The following UNC13C variants were observed in gnomAD, a reference collection of about 807,000 sequenced individuals.
UNC13C encodes the protein unc-13 homolog C, also known as protein unc-13 homolog C.
Under a neutral mutation model 245.4 loss-of-function variants are expected in UNC13C, and 174 were observed. That is an observed-to-expected ratio of 0.71 (90% CI 0.63 to 0.80). The LOEUF (loss-of-function observed/expected upper bound fraction) is 0.80, where lower values mean the gene tolerates loss of function less well. Ranked by LOEUF, UNC13C falls within the 30% of genes least tolerant of loss-of-function variation. The probability of loss-of-function intolerance (pLI) is 0.00; values close to 1 mark genes in which losing one functional copy is unlikely to be tolerated. For synonymous variants in UNC13C, 992 were observed against 895.1 expected (o/e 1.11, Z -1.93); for missense variants, 2,829 against 2,602.9 (o/e 1.09, Z -1.89).
chr15:54,260,995 A>C (rs569085407), intron 8 of UNC13C, among the ~76,000 whole-genome samples: 78 of 152,264 alleles, frequency 5.1e-4, no homozygotes, highest in Non-Finnish European at 9.3e-4. Context: ...GAAGAGAACC[A>C]GTTTGCCCCT....
At chr15:53,942,718 C>T in the UNC13C span, among the ~76,000 whole-genome samples, 2 of 152,130 alleles carry the variant, frequency 1.3e-5, no homozygotes, top group Non-Finnish European at 2.9e-5. Context: ...GGCTGGAGTG[C>T]AGTGGCGAGA....
At chr15:54,295,305 G>T (rs753291868) in intron 11 of UNC13C, among the ~76,000 whole-genome samples, 19 of 152,266 alleles carry the variant, frequency 1.2e-4, no homozygotes, top group African/African-American at 4.3e-4. Context: ...GGTCGAGGCA[G>T]TAAAGTTGTA....
chr15:54,255,195 A>C (rs1480030279), intron 8 of UNC13C, among the ~76,000 whole-genome samples: 2 of 152,082 alleles, frequency 1.3e-5, no homozygotes, highest in South Asian at 2.1e-4. Context: ...TAGTCAACTC[A>C]ATTAGACCCC....
intron 10 of UNC13C, among the ~76,000 whole-genome samples, chr15:54,278,588 C>G (rs968261932): frequency 6.6e-6 from 1 of 152,148 alleles, no homozygotes; most frequent in Admixed American, 6.5e-5. Context: ...TCTCCATCTC[C>G]CCGACACTGA....
At chr15:53,880,903 T>G in the UNC13C span, among the ~76,000 whole-genome samples, 1 of 152,068 alleles carries the variant, frequency 6.6e-6, no homozygotes, top group East Asian at 1.9e-4. Context: ...TAAGAGAAGG[T>G]TGTAAGTGAG....
At chr15:54,337,064 A>G (rs1863270011) in intron 16 of UNC13C, among the ~76,000 whole-genome samples, 1 of 152,202 alleles carries the variant, frequency 6.6e-6, no homozygotes, top group South Asian at 2.1e-4. Flanking sequence ...CCACACTGTA[A>G]TCAGACTTTT....
At chr15:53,905,620 T>C in the UNC13C span, among the ~76,000 whole-genome samples, 1 of 151,378 alleles carries the variant, frequency 6.6e-6, no homozygotes, top group Non-Finnish European at 1.5e-5. Context: ...AGACTGGGGG[T>C]TGGGGGAAGT....
intron 4 of UNC13C, among the ~76,000 whole-genome samples, chr15:54,160,115 C>CA (rs891996425): frequency 9.2e-5 from 14 of 151,538 alleles, no homozygotes; most frequent in Admixed American, 7.9e-4. Flanking sequence ...ATACTATTGA[C>CA]AAAAAAGGAC....
intron 2 of UNC13C, among the ~76,000 whole-genome samples, chr15:54,032,445 C>G (rs1896397948): frequency 6.6e-6 from 1 of 152,130 alleles, no homozygotes; most frequent in Non-Finnish European, 1.5e-5. Flanking sequence ...AGTGATTGCT[C>G]AGGTTTGAAA....
chr15:54,562,150 T>C (rs571753216), intron 29 of UNC13C, among the ~76,000 whole-genome samples: 1 of 152,018 alleles, frequency 6.6e-6, no homozygotes, highest in Non-Finnish European at 1.5e-5. Context: ...AATGCTGAGT[T>C]CTATTTGAGT....
the UNC13C span, among the ~76,000 whole-genome samples, chr15:53,875,550 A>T: frequency 1.3e-5 from 2 of 152,096 alleles, no homozygotes; most frequent in Non-Finnish European, 2.9e-5. Flanking sequence ...AAAACAAGTC[A>T]CTGGGGAGTA....
the UNC13C span, among the ~76,000 whole-genome samples, chr15:53,917,417 G>A: frequency 1.3e-5 from 2 of 152,170 alleles, no homozygotes; most frequent in East Asian, 3.9e-4. Flanking sequence ...AAAAAAGAAA[G>A]TTGAGTTCTC....
chr15:54,425,891 C>T (rs544457503), intron 19 of UNC13C, among the ~76,000 whole-genome samples: 2 of 151,942 alleles, frequency 1.3e-5, no homozygotes, highest in South Asian at 4.1e-4. Flanking sequence ...GGTAGACAGC[C>T]TTTCTTTCTG....
At chr15:54,063,342 G>A (rs1022502815) in intron 2 of UNC13C, among the ~76,000 whole-genome samples, 1 of 152,124 alleles carries the variant, frequency 6.6e-6, no homozygotes, top group African/African-American at 2.4e-5. Flanking sequence ...GTGGGGAAGG[G>A]GGCGATAGGC....
chr15:54,460,918 T>A (rs1891811009), intron 19 of UNC13C, among the ~76,000 whole-genome samples: 1 of 152,182 alleles, frequency 6.6e-6, no homozygotes, highest in Non-Finnish European at 1.5e-5. Context: ...TTGTAATAGT[T>A]ATAAATTAAA....
At chr15:54,456,614 A>ATTTT (rs1891546933) in intron 19 of UNC13C, among the ~76,000 whole-genome samples, 2 of 149,340 alleles carry the variant, frequency 1.3e-5, no homozygotes, top group Non-Finnish European at 3.0e-5. Flanking sequence ...TTATTTATTT[A>ATTTT]TTTATTTATT....
chr15:54,051,398 A>C (rs12902146), intron 2 of UNC13C, among the ~76,000 whole-genome samples: 5,652 of 152,114 alleles, frequency 0.037, 257 homozygotes, highest in Admixed American at 0.13. Context: ...TTGAGTTGAC[A>C]TTTATATAAT....
the UNC13C span, among the ~76,000 whole-genome samples, chr15:53,928,469 G>C: frequency 6.6e-6 from 1 of 152,136 alleles, no homozygotes; most frequent in African/African-American, 2.4e-5. Context: ...TCCAGCTTGG[G>C]CATTAGGGCC....
chr15:54,039,627 C>T (rs572070095), intron 2 of UNC13C, among the ~76,000 whole-genome samples: 91 of 152,064 alleles, frequency 6.0e-4, no homozygotes, highest in African/African-American at 2.1e-3. Context: ...TATTTTCCTA[C>T]TTACACTGGC....
Sources: allele counts gnomAD v4.1 joint callset (sites outside exome capture counted in the v4.1 genomes callset), GRCh38; gene constraint gnomAD v4.1.1; transcripts MANE v1.5; gene names NCBI Gene and HGNC (gene_info 2026-07-23, HGNC 2026-07-21).